TMEM132D: variants seen among roughly 807,000 people sequenced by gnomAD.
TMEM132D encodes the protein transmembrane protein 132D, also known as mature OL transmembrane protein.
In TMEM132D, 21 loss-of-function variants were observed where a neutral mutation model predicts 62.3. The ratio of observed to expected loss-of-function variants is 0.34; its 90% confidence interval spans 0.24 to 0.49. The LOEUF (loss-of-function observed/expected upper bound fraction) is 0.49, where lower values mean the gene tolerates loss of function less well. Ranked by LOEUF, TMEM132D falls within the 20% of genes least tolerant of loss-of-function variation. The pLI is 0.99. For missense variants in TMEM132D, 1,346 were observed against 1,402.8 expected (o/e 0.96, Z 0.65); for synonymous variants, 621 against 575.6 (o/e 1.08, Z -1.13).
At chr12:129,329,887 AG>A (rs1229696575) in intron 4 of TMEM132D, among the ~76,000 whole-genome samples, 1 of 152,188 alleles carries the variant, frequency 6.6e-6, no homozygotes, top group East Asian at 1.9e-4. Flanking sequence ...GTTGGTGAAA[AG>A]GAAGTTCATT....
At chr12:129,461,610 T>C (rs971006479) in intron 3 of TMEM132D, among the ~76,000 whole-genome samples, 1 of 151,888 alleles carries the variant, frequency 6.6e-6, no homozygotes, top group African/African-American at 2.4e-5. Flanking sequence ...ACTGGAAGAC[T>C]AGAGAAGCTG....
At chr12:129,242,025 C>A (rs867135820) in intron 4 of TMEM132D, among the ~76,000 whole-genome samples, 12 of 152,202 alleles carry the variant, frequency 7.9e-5, no homozygotes, top group Non-Finnish European at 1.2e-4. Flanking sequence ...TATTAAGCAA[C>A]TGACCCTGGG....
chr12:129,825,361 A>G (rs1872635955), intron 1 of TMEM132D, among the ~76,000 whole-genome samples: 1 of 152,060 alleles, frequency 6.6e-6, no homozygotes, highest in Non-Finnish European at 1.5e-5. Context: ...CGACTGCTTC[A>G]GGCTCAAGCT....
intron 5 of TMEM132D, among the ~76,000 whole-genome samples, chr12:129,112,120 A>G (rs534932530): frequency 1.3e-5 from 2 of 152,300 alleles, no homozygotes; most frequent in South Asian, 2.1e-4. Context: ...AATAAATTGA[A>G]TAAGTTCAAT....
chr12:129,863,987 A>G (rs888906184), intron 1 of TMEM132D, among the ~76,000 whole-genome samples: 1 of 152,178 alleles, frequency 6.6e-6, no homozygotes, highest in Non-Finnish European at 1.5e-5. Flanking sequence ...TGTGAGCCCA[A>G]TTGCGCTACC....
chr12:129,685,551 G>A (rs1288537522), intron 2 of TMEM132D, among the ~76,000 whole-genome samples: 1 of 152,228 alleles, frequency 6.6e-6, no homozygotes, highest in African/African-American at 2.4e-5. Context: ...TACAGGGGCA[G>A]GGCCCTCATG....
At chr12:129,172,044 G>T (rs1877750800) in intron 5 of TMEM132D, among the ~76,000 whole-genome samples, 1 of 152,244 alleles carries the variant, frequency 6.6e-6, no homozygotes, top group African/African-American at 2.4e-5. Flanking sequence ...TCCCTGGAAG[G>T]TTGTTCTTGC....
intron 3 of TMEM132D, among the ~76,000 whole-genome samples, chr12:129,518,579 A>ACG (rs1875752160): frequency 6.6e-6 from 1 of 151,508 alleles, no homozygotes; most frequent in Admixed American, 6.6e-5. Context: ...ACACACACAC[A>ACG]CATATATATA....
At chr12:129,213,369 T>C (rs76024742) in intron 4 of TMEM132D, among the ~76,000 whole-genome samples, 127 of 152,214 alleles carry the variant, frequency 8.3e-4, no homozygotes, top group African/African-American at 2.9e-3. Flanking sequence ...TGATGGTACA[T>C]GCCTGTAGTC....
intron 4 of TMEM132D, among the ~76,000 whole-genome samples, chr12:129,269,279 G>A (rs1006469820): frequency 7.2e-5 from 11 of 151,902 alleles, no homozygotes; most frequent in Admixed American, 1.3e-4. Flanking sequence ...AAACCTCCAG[G>A]CCACCCAGTC....
intron 3 of TMEM132D, among the ~76,000 whole-genome samples, chr12:129,494,946 G>A (rs774360354): frequency 3.3e-5 from 5 of 152,190 alleles, no homozygotes; most frequent in Non-Finnish European, 7.3e-5. Context: ...CATGGCACAT[G>A]CTTAACACAT....
intron 1 of TMEM132D, among the ~76,000 whole-genome samples, chr12:129,780,960 CATAA>C (rs373651550): frequency 1.3e-5 from 2 of 152,256 alleles, no homozygotes; most frequent in African/African-American, 4.8e-5. Context: ...CTCCTGAATC[CATAA>C]ATGAGAGGAT....
chr12:129,850,658 A>G (rs1873510481), intron 1 of TMEM132D, among the ~76,000 whole-genome samples: 1 of 152,216 alleles, frequency 6.6e-6, no homozygotes, highest in South Asian at 2.1e-4. Flanking sequence ...GTTTTCTACA[A>G]TACTTCCCAG....
intron 5 of TMEM132D, among the ~76,000 whole-genome samples, chr12:129,171,001 ACT>A (rs1877709752): frequency 6.6e-6 from 1 of 151,790 alleles, no homozygotes; most frequent in Non-Finnish European, 1.5e-5. Context: ...GCATTGATCG[ACT>A]CTTCCTTTCA....
intron 5 of TMEM132D, among the ~76,000 whole-genome samples, chr12:129,151,272 G>A (rs1413607868): frequency 5.9e-5 from 9 of 152,204 alleles, no homozygotes; most frequent in African/African-American, 1.2e-4. Flanking sequence ...TGACTCAGGC[G>A]GGGTTATTCG....
At chr12:129,765,075 C>A (rs1336564600) in intron 1 of TMEM132D, among the ~76,000 whole-genome samples, 1 of 152,132 alleles carries the variant, frequency 6.6e-6, no homozygotes, top group Non-Finnish European at 1.5e-5. Flanking sequence ...TGCTCTAATC[C>A]AATCATGAGG....
chr12:129,839,195 G>A lies in TMEM132D; in HGVS notation c.79+64066C>T, dbSNP rs908365381. Among the ~76,000 whole-genome samples the A allele has an allele frequency of 3.7e-5, 5 of 133,494 alleles. 1 individual carries two copies. The highest frequency in any genetic ancestry group is 1.7e-4 in the Admixed American group (2 of 11,670). 87.6% of individuals were successfully genotyped at this position (133,494 alleles called of 152,430 possible). On this transcript the variant is annotated intron_variant, in intron 1 of 8. Transcript: ENST00000422113. ...CGCCTGGGCTAGAGTACAGTGATGC[G>A]ATCTCAGCCCCGCAACCTTCGCCTC...
intron 3 of TMEM132D, among the ~76,000 whole-genome samples, chr12:129,485,718 A>C (rs555230405): frequency 2.0e-5 from 3 of 152,362 alleles, no homozygotes; most frequent in Admixed American, 6.5e-5. Flanking sequence ...GAGGTGAGGC[A>C]GGAAAAGAGG....
chr12:129,099,497 G>A (rs977539249), intron 5 of TMEM132D, among the ~76,000 whole-genome samples: 1 of 152,174 alleles, frequency 6.6e-6, no homozygotes, highest in African/African-American at 2.4e-5. Context: ...TAGCCCTTCA[G>A]ATGCCCCCTC....
Sources: allele counts gnomAD v4.1 joint callset (sites outside exome capture counted in the v4.1 genomes callset), GRCh38; gene constraint gnomAD v4.1.1; transcripts MANE v1.5; gene names NCBI Gene and HGNC (gene_info 2026-07-23, HGNC 2026-07-21).